RUNDC3B: variants seen among roughly 807,000 people sequenced by gnomAD.
RUNDC3B encodes RUN domain containing 3B.
Under a neutral mutation model 58.4 loss-of-function variants are expected in RUNDC3B, and 33 were observed. The ratio of observed to expected loss-of-function variants is 0.56; its 90% CI spans 0.43 to 0.75. RUNDC3B has a LOEUF of 0.75. Among genes scored for constraint, RUNDC3B ranks in the 30% least tolerant of loss-of-function variants. RUNDC3B has a pLI of 0.00. For missense variants in RUNDC3B, 501 were observed against 535.7 expected (o/e 0.94, Z 0.64); for synonymous variants, 193 against 195.2 (o/e 0.99, Z 0.10).
chr7:87,754,848 C>T (rs186009157), intron 6 of RUNDC3B, among the ~76,000 whole-genome samples: 24 of 150,718 alleles, frequency 1.6e-4, no homozygotes, highest in Non-Finnish European at 3.1e-4. Flanking sequence ...CTTTGACACA[C>T]ACACTTTCCC....
At chr7:87,648,002 G>A (rs1823190098) in intron 1 of RUNDC3B, among the ~76,000 whole-genome samples, 1 of 151,918 alleles carries the variant, frequency 6.6e-6, no homozygotes, top group African/African-American at 2.4e-5. Context: ...GGCTAACATG[G>A]TGAAACCCCG....
chr7:87,737,783 A>G (rs1316533274), intron 4 of RUNDC3B, among the ~76,000 whole-genome samples: 2 of 151,908 alleles, frequency 1.3e-5, no homozygotes, highest in African/African-American at 4.8e-5. Flanking sequence ...TTTTCAGTGG[A>G]ATTATTGATT....
intron 4 of RUNDC3B, among the ~76,000 whole-genome samples, chr7:87,719,976 C>A (rs1473476532): frequency 1.7e-5 from 2 of 119,932 alleles, no homozygotes; most frequent in African/African-American, 3.1e-5. Context: ...ATTAGTGGAA[C>A]ATTTGACTAC....
At position 87,807,454 on chromosome 7, in the gene RUNDC3B, T is replaced by C; in HGVS notation, c.1038T>C (p.Ala346=). ...HLTNQWPSPG[A]LDVNAVALDT... ...CCAACCAGTGGCCTTCTCCAGGAGC[T>C]CTGGATGTCAATGCTGTTGCCTTGG... Residue 346 remains alanine, a synonymous_variant, in exon 9 of 11, where the codon GCT becomes GCC. Coordinates refer to ENST00000394654, the MANE Select transcript of RUNDC3B (RefSeq NM_001134405.2). 6.2e-7 allele frequency: 1 copy of C among 1,613,012 alleles called. No individual in the cohort carries two copies. The highest frequency in any genetic ancestry group is 8.5e-7 in the Non-Finnish European group (1 of 1,179,040).
Position 87,634,560 on chromosome 7 carries a change from G to A in RUNDC3B, c.122+5615G>A, listed in dbSNP as rs78355190. Among the ~76,000 whole-genome samples the A allele has an allele frequency of 1.1e-4, 17 of 151,666 alleles. No individual in the cohort carries two copies. In the East Asian group the frequency reaches 1.9e-3, roughly 17 times the overall value. ...AGGAGAATCACTTGAACCCTGGGGC[G>A]GAGGTTGCAGTGAGCCGAGATTCAC... On this transcript the variant is annotated intron_variant, in intron 1 of 10. Coordinates refer to ENST00000394654, the MANE Select transcript of RUNDC3B (RefSeq NM_001134405.2).
chr7:87,798,427 T>A (rs998479847), intron 8 of RUNDC3B, among the ~76,000 whole-genome samples: 1 of 152,208 alleles, frequency 6.6e-6, no homozygotes, highest in Admixed American at 6.5e-5. Flanking sequence ...GTAGAAATGT[T>A]TTTATTGTGC....
At chr7:87,786,278 A>G (rs1835211022) in intron 8 of RUNDC3B, among the ~76,000 whole-genome samples, 1 of 152,122 alleles carries the variant, frequency 6.6e-6, no homozygotes, top group Non-Finnish European at 1.5e-5. Context: ...AGATACTTTG[A>G]GACTAAGTAT....
At chr7:87,822,220 G>T (rs1358152452) in intron 10 of RUNDC3B, among the ~76,000 whole-genome samples, 3 of 152,122 alleles carry the variant, frequency 2.0e-5, no homozygotes, top group African/African-American at 7.2e-5. Context: ...ATCAAAAAGT[G>T]GGCGAAGGAC....
intron 1 of RUNDC3B, among the ~76,000 whole-genome samples, chr7:87,644,991 A>G (rs1213263309): frequency 1.3e-5 from 2 of 151,790 alleles, no homozygotes; most frequent in African/African-American, 2.4e-5. Context: ...TTTGGTAACC[A>G]TCTCATTTCT....
In RUNDC3B at chr7:87,688,444, T is replaced by A. The variant is rs189993191; in HGVS notation, c.239-11977T>A. Among the ~76,000 whole-genome samples, 588 of 152,010 alleles carry A rather than the reference T, an allele frequency of 3.9e-3. 7 individuals are homozygous for A. Among genetic ancestry groups the A allele is most frequent in the African/African-American group, 0.014 (562 of 41,538 alleles). ...TATTTAGAAATGAAATTGAATATAT[T>A]TTCATGTTTGTTTTTTTTCATTTTC... On this transcript the variant is annotated intron_variant, in intron 2 of 10. Coordinates refer to ENST00000394654, the MANE Select transcript of RUNDC3B (RefSeq NM_001134405.2).
At chr7:87,762,591 G>C (rs1563192798) in intron 6 of RUNDC3B, among the ~76,000 whole-genome samples, 1 of 151,062 alleles carries the variant, frequency 6.6e-6, no homozygotes, top group Admixed American at 6.6e-5. Context: ...ATTCCCACCA[G>C]TTTTCTTTTG....
At chr7:87,691,508 C>G (rs926908314) in intron 2 of RUNDC3B, among the ~76,000 whole-genome samples, 5 of 152,078 alleles carry the variant, frequency 3.3e-5, no homozygotes, top group African/African-American at 1.2e-4. Context: ...AATACTGTTT[C>G]ACTTTCTTTT....
chr7:87,629,705 A>T (rs1821004878), intron 1 of RUNDC3B, among the ~76,000 whole-genome samples: 1 of 152,084 alleles, frequency 6.6e-6, no homozygotes, highest in Non-Finnish European at 1.5e-5. Context: ...AGGCGGGCGG[A>T]TCACGAGGTC....
intron 6 of RUNDC3B, among the ~76,000 whole-genome samples, chr7:87,768,171 AG>A (rs1297812398): frequency 6.6e-6 from 1 of 152,154 alleles, no homozygotes; most frequent in African/African-American, 2.4e-5. Flanking sequence ...CTGCATCTGC[AG>A]TAGTAGGTCA....
At chr7:87,715,564 G>T (rs1830513691) in intron 4 of RUNDC3B, among the ~76,000 whole-genome samples, 1 of 139,358 alleles carries the variant, frequency 7.2e-6, no homozygotes, top group South Asian at 2.2e-4. Flanking sequence ...ATATATTAAA[G>T]GACTAGAATG....
At chr7:87,810,446 A>T (rs963922599) in intron 9 of RUNDC3B, among the ~76,000 whole-genome samples, 3 of 152,196 alleles carry the variant, frequency 2.0e-5, no homozygotes, top group Non-Finnish European at 4.4e-5. Context: ...GTTACAAAAA[A>T]TCTCCTGAAT....
At chr7:87,630,830 T>C (rs17328447) in intron 1 of RUNDC3B, among the ~76,000 whole-genome samples, 4,756 of 152,250 alleles carry the variant, frequency 0.031, 74 homozygotes, top group Middle Eastern at 0.048. Context: ...GTAATGATCA[T>C]GTGTGCCCTT....
chr7:87,816,237 A>G lies in RUNDC3B; in HGVS notation c.1200A>G (p.Gln400=). ...AGTCACAAGAAGGAGATGGAAAACA[A>G]GACACATTAAATGTAATGAGTGAAG... ...PGQSQEGDGK[Q]DTLNVMSEGK... is the part of the protein sequence containing the mutation. Residue 400 remains glutamine, a synonymous_variant, in exon 10 of 11, where the codon CAA becomes CAG. Coordinates refer to ENST00000394654, the MANE Select transcript of RUNDC3B (RefSeq NM_001134405.2). 5 of 1,612,034 alleles carry G rather than the reference A, an allele frequency of 3.1e-6. No individual in the cohort carries two copies. In the East Asian group the frequency reaches 1.1e-4, roughly 36 times the overall value.
intron 1 of RUNDC3B, among the ~76,000 whole-genome samples, chr7:87,637,104 C>A (rs1487054268): frequency 1.3e-5 from 2 of 152,194 alleles, no homozygotes; most frequent in Non-Finnish European, 2.9e-5. Context: ...TACCTCCCAT[C>A]TGCTCCCTCC....
Sources: allele counts gnomAD v4.1 joint callset (sites outside exome capture counted in the v4.1 genomes callset), GRCh38; gene constraint gnomAD v4.1.1; transcripts MANE v1.5; gene names NCBI Gene and HGNC (gene_info 2026-07-23, HGNC 2026-07-21).